STAMBP: variants seen among roughly 807,000 people sequenced by gnomAD.
The protein encoded by STAMBP is STAM-binding protein.
A neutral mutation model predicts 50.7 loss-of-function variants in STAMBP; 31 were observed. The ratio of observed to expected loss-of-function variants is 0.61; its 90% CI spans 0.46 to 0.83. The LOEUF (loss-of-function observed/expected upper bound fraction) is 0.83, where lower values mean the gene tolerates loss of function less well. STAMBP is among the 40% of genes least tolerant of loss of function. The pLI is 0.00. For missense variants in STAMBP, 472 were observed against 518.9 expected (o/e 0.91, Z 0.88); for synonymous variants, 211 against 192.4 (o/e 1.10, Z -0.80).
rs140108382 is a variant in STAMBP at position 73,856,639 on chromosome 2, T to G, written c.1006-2615T>G. ...CACCTACCTTGTCCATGGATGCCCA[T>G]CATGACAACCCCATTAACACCTTTG... On this transcript the variant is annotated intron_variant, in intron 7 of 9. Transcript: ENST00000394070. Among the ~76,000 whole-genome samples the G allele has an allele frequency of 3.0e-3, 461 of 152,312 alleles. No individual in the cohort carries two copies. In the Middle Eastern group the frequency reaches 0.037, roughly 12 times the overall value.
chr2:73,852,661 TAGG>T (rs1222456334), intron 7 of STAMBP, among the ~76,000 whole-genome samples: 4 of 152,130 alleles, frequency 2.6e-5, no homozygotes, highest in Non-Finnish European at 5.9e-5. Context: ...ACAGAAGCCA[TAGG>T]AGGAGGAAGG....
rs967191432 is a variant in STAMBP at position 73,841,547 on chromosome 2, A to AAG, written c.204-3266_204-3265insAG. Among the ~76,000 whole-genome samples the AAG allele has an allele frequency of 2.0e-3, 299 of 152,330 alleles. 5 individuals carry two copies. Among genetic ancestry groups the AAG allele is most frequent in the Non-Finnish European group, 3.1e-4 (21 of 68,028 alleles). ...AGCCATGTCCAACCCTTTGAATGCA[A>AAG]GGACTTTTTTGCTTATCTATGGTAG... On this transcript the variant is annotated intron_variant, in intron 2 of 9. Transcript: ENST00000394070.
chr2:73,855,722 T>A (rs1677470062), intron 7 of STAMBP: 4 of 456,088 alleles, frequency 8.8e-6, no homozygotes, highest in South Asian at 4.6e-5. Flanking sequence ...CCTGAAGGCT[T>A]CTTCCACAGT....
chr2:73,862,529 A>G lies in STAMBP; in HGVS notation c.*270A>G. ...AAATTAAGTAGCTCAGAAATTAAGA[A>G]AGAATGGTATAATGAACCCCCATAT... is the stretch of plus-strand genomic sequence containing the variant. On this transcript the variant is annotated 3_prime_UTR_variant, in exon 10 of 10. Transcript: ENST00000394070. 1 of 280,238 alleles carries G rather than the reference A, an allele frequency of 3.6e-6. No individual in the cohort carries two copies. The highest frequency in any genetic ancestry group is 6.7e-6 in the Non-Finnish European group (1 of 148,748). 17.4% of individuals were successfully genotyped at this position (280,238 alleles called of 1,614,324 possible).
intron 2 of STAMBP, among the ~76,000 whole-genome samples, chr2:73,838,506 G>A (rs187173494): frequency 6.6e-6 from 1 of 152,274 alleles, no homozygotes; most frequent in East Asian, 1.9e-4. Context: ...TGTTTTTGCT[G>A]ATGGAAAAGG....
chr2:73,849,329 G>A, intron 5 of STAMBP, 34 bp from the exon 6 acceptor site: 1 of 1,612,344 alleles, frequency 6.2e-7, no homozygotes, highest in Non-Finnish European at 8.5e-7. Flanking sequence ...GCAGGGCTCA[G>A]TGGTCGCAGA....
chr2:73,871,369 C>A (rs1679190620), downstream of STAMBP, among the ~76,000 whole-genome samples: 1 of 151,490 alleles, frequency 6.6e-6, no homozygotes, highest in South Asian at 2.1e-4. Flanking sequence ...CATAGTGAAA[C>A]CCCGTCTCTA....
At chr2:73,836,767 CCAGAGGCTTGGCCTCCT>C (rs1456911317) in intron 2 of STAMBP, among the ~76,000 whole-genome samples, 2 of 152,210 alleles carry the variant, frequency 1.3e-5, no homozygotes, top group Non-Finnish European at 2.9e-5. Context: ...GGCCCTGCGG[CCAGAGGCTTGGCCTCCT>C]GCCAGCAGAG....
In STAMBP at chr2:73,864,926, AT is replaced by A. The variant is rs1241086746; in HGVS notation, c.*2668del. On this transcript the variant is annotated 3_prime_UTR_variant, in exon 10 of 10. Transcript: ENST00000394070. The stretch of plus-strand genomic sequence containing the variant: ...ATCACTTTCACATACTCCTTGTTAA[AT>A]GGGACCAAAGGGGAAGAAGAAGAAA... 3.3e-5 allele frequency: 5 copies of A among 152,174 alleles called. No homozygotes were observed. Among genetic ancestry groups the A allele is most frequent in the Non-Finnish European group, 5.9e-5 (4 of 68,054 alleles). The allele number at this position is 152,174 out of a possible 1,614,324, so 9.4% of individuals were successfully genotyped here. A position where few individuals can be genotyped will look rare whatever the true frequency, so the allele number is the denominator to read the frequency against.
At chr2:73,848,459 T>G (rs948138508) in intron 5 of STAMBP, among the ~76,000 whole-genome samples, 1 of 152,232 alleles carries the variant, frequency 6.6e-6, no homozygotes, top group Admixed American at 6.5e-5. Flanking sequence ...TACTCTGATA[T>G]TCTTATCTGA....
At chr2:73,830,716 T>C (rs1007945336) in intron 1 of STAMBP, 129 bp from the exon 2 acceptor site, 2 of 722,870 alleles carry the variant, frequency 2.8e-6, no homozygotes, top group Admixed American at 2.9e-5. Context: ...CCTTATTTAA[T>C]AGGAGCCACA....
Position 73,842,400 on chromosome 2 carries a change from TGATGCCA to T in STAMBP, c.204-2412_204-2406del, listed in dbSNP as rs146396128. Among the ~76,000 whole-genome samples, 1,339 of 152,356 alleles carry T rather than the reference TGATGCCA, an allele frequency of 8.8e-3. 23 individuals carry two copies. Among genetic ancestry groups the T allele is most frequent in the African/African-American group, 0.03 (1,259 of 41,594 alleles). On this transcript the variant is annotated intron_variant, in intron 2 of 9. Coordinates refer to ENST00000394070, the MANE Select transcript of STAMBP (RefSeq NM_213622.4). ...GTCTGAGTGAGTGCAAGTGTATGTGTGATGCCAATGGGATGGCATCCTCTCCAGGGCT... is the reference window on the plus strand; with the variant it reads ...GTCTGAGTGAGTGCAAGTGTATGTGTATGGGATGGCATCCTCTCCAGGGCT...
rs1246999195 is a variant in STAMBP at position 73,847,618 on chromosome 2, C to A, written c.607C>A (p.Pro203Thr). The change falls in exon 5 of 10, where the codon CCC becomes ACC. Residue 203 changes from proline (P) to threonine (T), a missense_variant. By Grantham distance (38) the Pro-to-Thr change is conservative (BLOSUM62 -1). Transcript: ENST00000394070. ...GGPLVPDLEK[P>T]SLDVFPTLTV... ...CCCGCTAGTGCCTGACTTGGAGAAG[C>A]CCTCCTTAGATGTGTTCCCCACCTT... is the stretch of plus-strand genomic sequence containing the variant. 6.2e-7 allele frequency: 1 copy of A among 1,614,172 alleles called. No individual in the cohort carries two copies. The highest frequency in any genetic ancestry group is 2.2e-5 in the East Asian group (1 of 44,884).
chr2:73,832,726 G>A (rs942665744), intron 2 of STAMBP, among the ~76,000 whole-genome samples: 2 of 152,088 alleles, frequency 1.3e-5, no homozygotes, highest in African/African-American at 4.8e-5. Context: ...CAGCATCCCT[G>A]GTTTCTGCTC....
rs1804939 is a variant in STAMBP, at chr2:73,862,399, G to T, written c.*140G>T. ...CATCACCTGAGAAAGAGCTGATTTT[G>T]TATTTCAGGTTTGAAAAGAAATAAC... On this transcript the variant is annotated 3_prime_UTR_variant, in exon 10 of 10. Transcript: ENST00000394070. The T allele has an allele frequency of 4.1e-5, 22 of 541,696 alleles. No individual in the cohort carries two copies. Among genetic ancestry groups the T allele is most frequent in the Non-Finnish European group, 6.2e-5 (21 of 337,950 alleles). 33.6% of individuals were successfully genotyped at this position (541,696 alleles called of 1,614,324 possible). A position where few individuals can be genotyped will look rare whatever the true frequency, so the allele number is the denominator to read the frequency against.
At chr2:73,860,291 G>A (rs562869898) in intron 9 of STAMBP, 140 bp downstream of exon 9, 2 of 687,538 alleles carry the variant, frequency 2.9e-6, no homozygotes, top group East Asian at 2.9e-5. Flanking sequence ...TAATAAGGAC[G>A]TACATGAGAA....
chr2:73,863,258 T>C lies in STAMBP; in HGVS notation c.*999T>C, dbSNP rs925279255. 5 of 152,188 alleles carry C rather than the reference T, an allele frequency of 3.3e-5. No individual in the cohort carries two copies. The highest frequency in any genetic ancestry group is 1.2e-4 in the African/African-American group (5 of 41,458). 9.4% of individuals were successfully genotyped at this position (152,188 alleles called of 1,614,324 possible). A position where few individuals can be genotyped will look rare whatever the true frequency, so the allele number is the denominator to read the frequency against. On this transcript the variant is annotated 3_prime_UTR_variant, in exon 10 of 10. Transcript: ENST00000394070. Reference sequence around the variant, plus strand: ...CAATTTCATTGTGTTGGCTGTTCTTTTCTGACTAAGGCAATACCTAGGAAA... The same window carrying C: ...CAATTTCATTGTGTTGGCTGTTCTTCTCTGACTAAGGCAATACCTAGGAAA...
chr2:73,837,639 C>T (rs1300847921), intron 2 of STAMBP, among the ~76,000 whole-genome samples: 1 of 133,094 alleles, frequency 7.5e-6, no homozygotes, highest in Non-Finnish European at 1.6e-5. Flanking sequence ...AAGAATATAT[C>T]ACAATTTTTA....
chr2:73,859,092 T>G (rs1254974181), intron 7 of STAMBP, among the ~76,000 whole-genome samples, 162 bp from the exon 8 acceptor site: 1 of 152,220 alleles, frequency 6.6e-6, no homozygotes, highest in East Asian at 1.9e-4. Context: ...TAATAAAAGT[T>G]ATGTGAAGAT....
Sources: allele counts gnomAD v4.1 joint callset (sites outside exome capture counted in the v4.1 genomes callset), GRCh38; gene constraint gnomAD v4.1.1; transcripts MANE v1.5; gene names NCBI Gene and HGNC (gene_info 2026-07-23, HGNC 2026-07-21).